Variants in AKT3 observed in about 807,000 individuals in gnomAD.
AKT3 encodes the protein RAC-gamma serine/threonine-protein kinase.
AKT3 carries 15 observed loss-of-function variants against 65.3 expected under a neutral mutation model. The ratio of observed to expected loss-of-function variants is 0.23; its 90% CI spans 0.15 to 0.35. AKT3 has a LOEUF of 0.35. Among genes scored for constraint, AKT3 ranks in the 10% least tolerant of loss-of-function variants. The pLI is 1.00. For missense variants in AKT3, 243 were observed against 576.5 expected (o/e 0.42, Z 5.92); for synonymous variants, 206 against 183.8 (o/e 1.12, Z -0.98).
intron 8 of AKT3, among the ~76,000 whole-genome samples, chr1:243,606,317 T>G (rs545733984): frequency 6.6e-6 from 1 of 152,324 alleles, no homozygotes; most frequent in African/African-American, 2.4e-5. Context: ...TGGAACTTCC[T>G]AGAGACTTGT....
chr1:243,704,890 G>A (rs1572201268), intron 2 of AKT3, among the ~76,000 whole-genome samples: 1 of 152,016 alleles, frequency 6.6e-6, no homozygotes, highest in Admixed American at 6.6e-5. Context: ...TTCTCTTTAT[G>A]GTTATTTCAC....
At chr1:243,805,384 C>A (rs1339948117) in intron 2 of AKT3, among the ~76,000 whole-genome samples, 1 of 152,118 alleles carries the variant, frequency 6.6e-6, no homozygotes, top group African/African-American at 2.4e-5. Flanking sequence ...CACACTAGCA[C>A]GTTCCCCTCT....
In AKT3 at chr1:243,500,110, CT is replaced by C. The variant is rs1669116845; in HGVS notation, c.*5138del. ...TTAAAGACTTGAGTTGTAATGTTTC[CT>C]TTTTATCTTGTAGTGATGAACAAAA... is the stretch of plus-strand genomic sequence containing the variant. On this transcript the variant is annotated 3_prime_UTR_variant, in exon 14 of 14. Coordinates refer to ENST00000673466, the MANE Select transcript of AKT3 (RefSeq NM_005465.7). 2.7e-6 allele frequency: 1 copy of C among 374,844 alleles called. No individual in the cohort carries two copies. The highest frequency in any genetic ancestry group is 4.0e-5 in the East Asian group (1 of 24,834). 23.2% of individuals were successfully genotyped at this position (374,844 alleles called of 1,614,324 possible).
intron 4 of AKT3, among the ~76,000 whole-genome samples, chr1:243,649,592 T>C (rs1253432780): frequency 2.0e-5 from 3 of 152,032 alleles, no homozygotes; most frequent in Admixed American, 1.3e-4. Flanking sequence ...GGCCCCAGTA[T>C]GTGATGTTCC....
chr1:243,649,943 T>C (rs1681178296), intron 4 of AKT3, among the ~76,000 whole-genome samples: 1 of 152,198 alleles, frequency 6.6e-6, no homozygotes, highest in Non-Finnish European at 1.5e-5. Flanking sequence ...ATGGGATTGC[T>C]AGGTCAAATG....
intron 6 of AKT3, among the ~76,000 whole-genome samples, chr1:243,628,998 C>T (rs1343177818): frequency 2.0e-5 from 3 of 152,226 alleles, no homozygotes; most frequent in African/African-American, 7.2e-5. Flanking sequence ...ATGGATGTGC[C>T]AGGCATGGTG....
chr1:243,642,385 C>G (rs985480826), intron 5 of AKT3, among the ~76,000 whole-genome samples: 1 of 152,256 alleles, frequency 6.6e-6, no homozygotes, highest in Non-Finnish European at 1.5e-5. Context: ...TCTCGGCTCA[C>G]TGCAAGCTCT....
chr1:243,804,137 GTCTTTTAATTT>G (rs1692568531), intron 2 of AKT3, among the ~76,000 whole-genome samples: 1 of 152,122 alleles, frequency 6.6e-6, no homozygotes, highest in African/African-American at 2.4e-5. Flanking sequence ...CATATCCACT[GTCTTTTAATTT>G]TTTGCTTGAC....
At chr1:243,497,693 A>G (rs1185311380), downstream of AKT3, among the ~76,000 whole-genome samples, 7 of 152,158 alleles carry the variant, frequency 4.6e-5, no homozygotes, top group Admixed American at 4.6e-4. Context: ...CTTTTACTTC[A>G]GGTCTTTACG....
At chr1:243,759,251 G>A (rs1689338857) in intron 2 of AKT3, among the ~76,000 whole-genome samples, 1 of 152,056 alleles carries the variant, frequency 6.6e-6, no homozygotes, top group Non-Finnish European at 1.5e-5. Context: ...GGAGGTCGAG[G>A]CTGCAGTGAG....
At chr1:243,523,195 T>C (rs1316797907) in intron 12 of AKT3, among the ~76,000 whole-genome samples, 3 of 151,120 alleles carry the variant, frequency 2.0e-5, no homozygotes, top group Middle Eastern at 3.4e-3. Flanking sequence ...GGAAACCAAC[T>C]GGAATTTTAT....
intron 13 of AKT3, among the ~76,000 whole-genome samples, chr1:243,507,538 A>AG (rs1422895195): frequency 6.6e-6 from 1 of 152,092 alleles, no homozygotes; most frequent in African/African-American, 2.4e-5. Flanking sequence ...CTGCGGTGGG[A>AG]GGGGAGCTGG....
At position 243,571,031 on chromosome 1, in the gene AKT3, A is replaced by G. The variant is rs1674520738; in HGVS notation, c.819+1895T>C. Among the ~76,000 whole-genome samples the G allele has an allele frequency of 2.6e-5, 4 of 152,294 alleles. No individual in the cohort carries two copies. The South Asian group carries it at 8.3e-4, about 32-fold the overall frequency. Reference sequence around the variant, plus strand: ...TCATTTAATGAGCTTCAATATACCAATATGTTGGCTGGGCATGGTGGCTCA... The same window carrying G: ...TCATTTAATGAGCTTCAATATACCAGTATGTTGGCTGGGCATGGTGGCTCA... On this transcript the variant is annotated intron_variant, in intron 9 of 13. Coordinates refer to ENST00000673466, the MANE Select transcript of AKT3 (RefSeq NM_005465.7).
rs1011170037 is a variant in AKT3 at position 243,503,520 on chromosome 1, A to G, written c.*1729T>C. On this transcript the variant is annotated 3_prime_UTR_variant, in exon 14 of 14. Coordinates refer to ENST00000673466, the MANE Select transcript of AKT3 (RefSeq NM_005465.7). ...GTAGGATGGCCTTCTGCTTGCCGCA[A>G]GAGTGGCCCCCAGCCCCTAGGACTT... is the stretch of plus-strand genomic sequence containing the variant. 4 of 233,294 alleles carry G rather than the reference A, an allele frequency of 1.7e-5. No individual in the cohort carries two copies. Among genetic ancestry groups the G allele is most frequent in the Middle Eastern group, 1.2e-3 (1 of 808 alleles). The allele number at this position is 233,294 out of a possible 1,614,324, so 14.5% of individuals were successfully genotyped here. A position where few individuals can be genotyped will look rare whatever the true frequency, so the allele number is the denominator to read the frequency against.
At chr1:243,528,009 T>C (rs1671273708) in intron 12 of AKT3, among the ~76,000 whole-genome samples, 1 of 150,682 alleles carries the variant, frequency 6.6e-6, no homozygotes, top group Non-Finnish European at 1.5e-5. Flanking sequence ...CTAAATACCA[T>C]AACTTTCTGC....
intron 4 of AKT3, among the ~76,000 whole-genome samples, chr1:243,662,284 T>C (rs1682415370): frequency 6.6e-6 from 1 of 151,808 alleles, no homozygotes; most frequent in Non-Finnish European, 1.5e-5. Flanking sequence ...CTATTCACAA[T>C]AGCAAAGACT....
chr1:243,729,010 CT>C (rs1328287587), intron 2 of AKT3, among the ~76,000 whole-genome samples: 1 of 152,116 alleles, frequency 6.6e-6, no homozygotes, highest in African/African-American at 2.4e-5. Context: ...TGAGTTGCTA[CT>C]TGTGCTGAAT....
At chr1:243,745,639 C>T (rs1688434758) in intron 2 of AKT3, among the ~76,000 whole-genome samples, 1 of 152,162 alleles carries the variant, frequency 6.6e-6, no homozygotes, top group African/African-American at 2.4e-5. Context: ...CCCAGAACAG[C>T]TTTGAATGCG....
chr1:243,819,319 A>G (rs1236194964), intron 2 of AKT3, among the ~76,000 whole-genome samples: 2 of 152,108 alleles, frequency 1.3e-5, no homozygotes, highest in Non-Finnish European at 2.9e-5. Context: ...TGCCAGGGAG[A>G]CTGGACGGTT....
Sources: allele counts gnomAD v4.1 joint callset (sites outside exome capture counted in the v4.1 genomes callset), GRCh38; gene constraint gnomAD v4.1.1; transcripts MANE v1.5; gene names NCBI Gene and HGNC (gene_info 2026-07-23, HGNC 2026-07-21).